ULK2: variants seen among roughly 807,000 people sequenced by gnomAD.
ULK2 encodes serine/threonine-protein kinase ULK2.
Under a neutral mutation model 127.5 loss-of-function variants are expected in ULK2, and 76 were observed. The observed-to-expected ratio is 0.60, with a 90% CI of 0.50 to 0.72. The LOEUF (loss-of-function observed/expected upper bound fraction) is 0.72. ULK2 is among the 30% of genes least tolerant of loss of function. ULK2 has a pLI of 0.00. For missense variants in ULK2, 1,144 were observed against 1,295.9 expected (o/e 0.88, Z 1.80); for synonymous variants, 452 against 461.9 (o/e 0.98, Z 0.28).
chr17:19,858,432 T>C (rs2042176426), intron 3 of ULK2, among the ~76,000 whole-genome samples: 1 of 151,990 alleles, frequency 6.6e-6, no homozygotes, highest in African/African-American at 2.4e-5. Context: ...AGTAACTATT[T>C]GCTTAATGTC....
chr17:19,842,185 T>TTTTTC (rs1255562088), intron 8 of ULK2, among the ~76,000 whole-genome samples: 2 of 146,782 alleles, frequency 1.4e-5, no homozygotes, highest in African/African-American at 5.2e-5. Context: ...ACTAATTTTC[T>TTTTTC]TTTTCTTTTT....
intron 13 of ULK2, among the ~76,000 whole-genome samples, chr17:19,815,915 AG>A (rs1214910937): frequency 6.6e-6 from 1 of 152,242 alleles, no homozygotes; most frequent in East Asian, 1.9e-4. Flanking sequence ...TTACTTTTAA[AG>A]GTAACTCTCA....
chr17:19,853,376 G>A (rs556689298), intron 3 of ULK2, among the ~76,000 whole-genome samples: 4 of 151,612 alleles, frequency 2.6e-5, no homozygotes, highest in Non-Finnish European at 4.4e-5. Flanking sequence ...GGACTCAAGC[G>A]ATCTGCCCAG....
chr17:19,832,263 TTTC>T (rs1412615279), intron 10 of ULK2, among the ~76,000 whole-genome samples: 1 of 150,472 alleles, frequency 6.6e-6, no homozygotes, highest in Non-Finnish European at 1.5e-5. Flanking sequence ...AATGAAACAT[TTTC>T]TTTTTTTTTT....
At chr17:19,837,742 A>G (rs1217767240) in intron 10 of ULK2, among the ~76,000 whole-genome samples, 1 of 152,170 alleles carries the variant, frequency 6.6e-6, no homozygotes, top group African/African-American at 2.4e-5. Flanking sequence ...TACCACCAGA[A>G]AGATTTCTTA....
At chr17:19,838,328 G>A (rs111708631) in intron 10 of ULK2, among the ~76,000 whole-genome samples, 173 bp downstream of exon 10, 18 of 151,838 alleles carry the variant, frequency 1.2e-4, no homozygotes, top group African/African-American at 4.3e-4. Flanking sequence ...TCTATCTCTC[G>A]TACCTAGAAC....
intron 10 of ULK2, among the ~76,000 whole-genome samples, chr17:19,830,617 TTAA>T (rs1291724938): frequency 4.0e-5 from 1 of 24,900 alleles, no homozygotes; most frequent in Admixed American, 4.0e-4. Flanking sequence ...TTGAGATTGT[TTAA>T]AAAAAAAAAA....
chr17:19,820,196 G>A (rs1025020998), intron 12 of ULK2, among the ~76,000 whole-genome samples: 15 of 151,832 alleles, frequency 9.9e-5, no homozygotes, highest in African/African-American at 2.7e-4. Flanking sequence ...CTACAGGCGC[G>A]CCCCACCACG....
At chr17:19,822,049 A>G (rs957943933) in intron 12 of ULK2, among the ~76,000 whole-genome samples, 1 of 151,098 alleles carries the variant, frequency 6.6e-6, no homozygotes, top group Non-Finnish European at 1.5e-5. Flanking sequence ...GCAGTGGCAC[A>G]ATCTCAGCTC....
chr17:19,814,452 T>TGTTTG (rs1183474234), intron 13 of ULK2, among the ~76,000 whole-genome samples: 247 of 10,096 alleles, frequency 0.024, 5 homozygotes, highest in Middle Eastern at 0.062. Flanking sequence ...TTTTTTTTTT[T>TGTTTG]TTTTTTTTTT....
At chr17:19,777,765 T>C (rs773124918) in intron 25 of ULK2, 49 bp from the exon 26 acceptor site, 2 of 1,570,764 alleles carry the variant, frequency 1.3e-6, no homozygotes, top group Admixed American at 2.0e-5. Flanking sequence ...TCCAAGAAAA[T>C]ACAAATCCAT....
chr17:19,840,998 T>C (rs949119122), intron 9 of ULK2, among the ~76,000 whole-genome samples: 1 of 152,030 alleles, frequency 6.6e-6, no homozygotes, highest in Non-Finnish European at 1.5e-5. Context: ...TCACAAAATA[T>C]GATGTAATTT....
rs776514952 is a variant in ULK2 at position 19,797,379 on chromosome 17, G to A, written c.1809+17C>T. On this transcript the variant is annotated intron_variant, in intron 18 of 26. Transcript: ENST00000395544. Reference sequence around the variant, plus strand: ...CTATACCAGTTCCTGACCTACAAAAGGGTTTAATAAACAAACCTTAGTAGG... The same window carrying A: ...CTATACCAGTTCCTGACCTACAAAAAGGTTTAATAAACAAACCTTAGTAGG... 2.5e-6 allele frequency: 4 copies of A among 1,602,952 alleles called. No individual in the cohort carries two copies. The South Asian group carries it at 3.4e-5, about 13-fold the overall frequency.
intron 12 of ULK2, 84 bp downstream of exon 12, chr17:19,825,010 A>G (rs2041252103): frequency 8.0e-7 from 1 of 1,246,730 alleles, no homozygotes; most frequent in Non-Finnish European, 1.1e-6. Flanking sequence ...TAAAAAGAAT[A>G]TCCACAGTGT....
chr17:19,844,122 A>G (rs1354788379), intron 7 of ULK2, among the ~76,000 whole-genome samples: 8 of 152,292 alleles, frequency 5.3e-5, no homozygotes, highest in African/African-American at 1.7e-4. Context: ...AACCCCACAC[A>G]ATACTAAAAA....
Position 19,771,744 on chromosome 17 carries a change from T to C in ULK2, c.*4605A>G, listed in dbSNP as rs1699470868. On this transcript the variant is annotated 3_prime_UTR_variant, in exon 27 of 27. Coordinates refer to ENST00000395544, the MANE Select transcript of ULK2 (RefSeq NM_014683.4). ...CCAAAGAACACACAACTGCACATGG[T>C]GGAGCTGGAATTTGAGACCAAGTGG... The C allele has an allele frequency of 6.6e-6, 1 of 152,170 alleles. No homozygotes were observed. The highest frequency in any genetic ancestry group is 2.4e-5 in the African/African-American group (1 of 41,420). The allele number at this position is 152,170 out of a possible 1,614,324, so 9.4% of individuals were successfully genotyped here.
chr17:19,849,521 A>G (rs2041966850), intron 4 of ULK2, 116 bp from the exon 5 acceptor site: 2 of 1,109,598 alleles, frequency 1.8e-6, no homozygotes, highest in Admixed American at 2.5e-5. Context: ...AATATAGCCT[A>G]AAAACATTAT....
At position 19,867,483 on chromosome 17, in the gene ULK2, C is replaced by G; in HGVS notation, c.-66G>C. On this transcript the variant is annotated 5_prime_UTR_variant, in exon 1 of 27. Transcript: ENST00000395544. ...CAGTGCGGCGCAGGTATCAGCACCG[C>G]GGCTCCGCGGGCCCGGAGCGCGCCA... 9.0e-6 allele frequency: 12 copies of G among 1,328,228 alleles called. No homozygotes were observed. The highest frequency in any genetic ancestry group is 1.2e-5 in the Non-Finnish European group (12 of 1,000,262). The allele number at this position is 1,328,228 out of a possible 1,614,324, so 82.3% of individuals were successfully genotyped here.
At chr17:19,788,414 C>T (rs2087081575) in intron 20 of ULK2, among the ~76,000 whole-genome samples, 1 of 151,876 alleles carries the variant, frequency 6.6e-6, no homozygotes, top group Non-Finnish European at 1.5e-5. Context: ...AGTCGTGAGA[C>T]CCCCATCCCA....
Sources: gnomAD v4.1 joint callset for allele counts (sites outside exome capture counted in the v4.1 genomes callset) on GRCh38, gnomAD v4.1.1 for gene constraint, MANE v1.5 for transcripts, NCBI Gene and HGNC (gene_info 2026-07-23, HGNC 2026-07-21) for gene names.